Variants in G3BP2 observed in about 807,000 individuals in gnomAD.
G3BP2 encodes the protein ras GTPase-activating protein-binding protein 2.
Under a neutral mutation model 56.7 loss-of-function variants are expected in G3BP2, and 11 were observed. That is an observed-to-expected ratio of 0.19 (90% CI 0.12 to 0.32). The LOEUF (loss-of-function observed/expected upper bound fraction) is 0.32. G3BP2 is among the 10% of genes least tolerant of loss of function. The pLI, the probability that G3BP2 is intolerant of heterozygous loss-of-function variation, is 1.00. For missense variants in G3BP2, 340 were observed against 610.9 expected (o/e 0.56, Z 4.67); for synonymous variants, 165 against 191.6 (o/e 0.86, Z 1.15).
At chr4:75,699,444 A>G (rs1263880853) in intron 3 of G3BP2, among the ~76,000 whole-genome samples, 1 of 152,188 alleles carries the variant, frequency 6.6e-6, no homozygotes, top group Non-Finnish European at 1.5e-5. Flanking sequence ...AGTTTCAGAG[A>G]GTTTGGGCAA....
At chr4:75,657,414 C>CA (rs2148984092) in intron 4 of G3BP2, 143 bp downstream of exon 4, 1 of 609,932 alleles carries the variant, frequency 1.6e-6, no homozygotes, top group South Asian at 2.1e-5. Flanking sequence ...CATGTACACA[C>CA]ACGCACTCAC....
intron 2 of G3BP2, among the ~76,000 whole-genome samples, chr4:75,660,551 A>G (rs1732470028): frequency 6.6e-6 from 1 of 152,186 alleles, no homozygotes; most frequent in Non-Finnish European, 1.5e-5. Flanking sequence ...AGACTGTCAT[A>G]AGGAATACAT....
Position 75,646,467 on chromosome 4 carries a change from ATACAT to A in G3BP2, c.1058-16_1058-12del. The A allele has an allele frequency of 7.3e-7, 1 of 1,362,618 alleles. No homozygotes were observed. The highest frequency in any genetic ancestry group is 1.1e-6 in the Non-Finnish European group (1 of 950,706). 84.4% of individuals were successfully genotyped at this position (1,362,618 alleles called of 1,614,324 possible). A position where few individuals can be genotyped will look rare whatever the true frequency, so the allele number is the denominator to read the frequency against. On this transcript the variant is annotated splice_polypyrimidine_tract_variant and intron_variant, in intron 10 of 11. Coordinates refer to ENST00000359707, the MANE Select transcript of G3BP2 (RefSeq NM_203505.3). ...CAACGTTTCCAAAACCTGTGAAAAT[ATACAT>A]TACATCAAGGGTTAAATATTTTTAA...
intron 3 of G3BP2, among the ~76,000 whole-genome samples, chr4:75,709,523 G>A (rs114575807): frequency 2.4e-3 from 362 of 149,884 alleles, no homozygotes; most frequent in African/African-American, 8.4e-3. Context: ...GAGGTACAAC[G>A]ATTGCTGGAG....
rs1411569704 is a variant in G3BP2, at chr4:75,642,837, T to G, written c.*2593A>C. On this transcript the variant is annotated 3_prime_UTR_variant, in exon 12 of 12. Coordinates refer to ENST00000359707, the MANE Select transcript of G3BP2 (RefSeq NM_203505.3). The stretch of plus-strand genomic sequence containing the variant: ...TTGTTTAGTCCAAACACATTCAATA[T>G]GGAAACTCAAAGAATACTTTCCACC... 6.6e-6 allele frequency: 1 copy of G among 152,568 alleles called. No individual in the cohort carries two copies. The highest frequency in any genetic ancestry group is 1.5e-5 in the Non-Finnish European group (1 of 67,994). 9.5% of individuals were successfully genotyped at this position (152,568 alleles called of 1,614,324 possible).
intron 3 of G3BP2, among the ~76,000 whole-genome samples, chr4:75,710,634 G>A (rs1719718551): frequency 6.6e-6 from 1 of 152,146 alleles, no homozygotes; most frequent in Non-Finnish European, 1.5e-5. Flanking sequence ...AATAAATGAT[G>A]AAGCCAGGAT....
intron 3 of G3BP2, among the ~76,000 whole-genome samples, chr4:75,691,057 T>C (rs1025985914): frequency 1.3e-5 from 2 of 151,960 alleles, no homozygotes; most frequent in Non-Finnish European, 2.9e-5. Flanking sequence ...GTAGAATGAG[T>C]ACAAATGTAC....
In G3BP2 at chr4:75,645,194, G is replaced by A. The variant is rs528526445; in HGVS notation, c.*236C>T. On this transcript the variant is annotated 3_prime_UTR_variant, in exon 12 of 12. Transcript: ENST00000359707. ...TTTGTCGTAGATAGTTTAAGATATG[G>A]TCATTTCTCAGTCCTTAATTCTCCA... The A allele has an allele frequency of 1.8e-5, 10 of 545,788 alleles. No homozygotes were observed. In the South Asian group the frequency reaches 2.4e-4, roughly 13 times the overall value. 33.8% of individuals were successfully genotyped at this position (545,788 alleles called of 1,614,324 possible).
In G3BP2 at chr4:75,713,029, AC is replaced by A. The variant is rs771817688; in HGVS notation, c.-25+7847del. Among the ~76,000 whole-genome samples the A allele has an allele frequency of 2.2e-4, 33 of 152,182 alleles. No homozygotes were observed. In the East Asian group the frequency reaches 5.8e-3, roughly 27 times the overall value. On this transcript the variant is annotated intron_variant, in intron 3 of 3. Coordinates refer to the G3BP2 transcript ENST00000499709. ...AAACAAAACAAAACAAATAAACAAAACCCTATTCCCATAGGTTAGAGGTGGG... is the reference window on the plus strand; with the variant it reads ...AAACAAAACAAAACAAATAAACAAAACCTATTCCCATAGGTTAGAGGTGGG...
intron 3 of G3BP2, among the ~76,000 whole-genome samples, chr4:75,681,709 C>T (rs35276668): frequency 1.3e-5 from 2 of 151,400 alleles, no homozygotes; most frequent in South Asian, 2.1e-4. Flanking sequence ...CTTAGCCGGG[C>T]GTGGTGGTGT....
At chr4:75,687,736 C>G (rs760107126) in intron 3 of G3BP2, among the ~76,000 whole-genome samples, 1 of 152,154 alleles carries the variant, frequency 6.6e-6, no homozygotes, top group Non-Finnish European at 1.5e-5. Flanking sequence ...CTGAGAGTGA[C>G]CCGTATGACA....
At chr4:75,657,073 C>T in intron 4 of G3BP2, 59 bp from the exon 5 acceptor site, 1 of 717,328 alleles carries the variant, frequency 1.4e-6, no homozygotes, top group South Asian at 1.7e-5. Flanking sequence ...TATAAAAGAG[C>T]AAATTACATG....
At chr4:75,705,167 G>C (rs919739359) in intron 3 of G3BP2, among the ~76,000 whole-genome samples, 2 of 152,158 alleles carry the variant, frequency 1.3e-5, no homozygotes, top group Non-Finnish European at 2.9e-5. Context: ...ATGCCCAGAG[G>C]GGATAATCTT....
At chr4:75,701,589 C>T (rs981499386) in intron 3 of G3BP2, among the ~76,000 whole-genome samples, 2 of 152,024 alleles carry the variant, frequency 1.3e-5, no homozygotes, top group Admixed American at 1.3e-4. Flanking sequence ...CCACCATGCC[C>T]GGCTAATTTT....
intron 3 of G3BP2, among the ~76,000 whole-genome samples, chr4:75,688,832 G>A (rs865882368): frequency 2.0e-5 from 3 of 152,198 alleles, no homozygotes; most frequent in Non-Finnish European, 4.4e-5. Flanking sequence ...CTAAGGAAAC[G>A]ATGAGTAAAT....
At chr4:75,645,758 G>A in intron 11 of G3BP2, 56 bp from the exon 12 acceptor site, 2 of 1,481,476 alleles carry the variant, frequency 1.3e-6, no homozygotes, top group Non-Finnish European at 1.9e-6. Flanking sequence ...CAATAGAAAT[G>A]ATTACTCTGA....
chr4:75,661,991 C>G lies in G3BP2; in HGVS notation c.35G>C (p.Gly12Ala). ...VMEKPSPLLV[G>A]REFVRQYYTL... The stretch of plus-strand genomic sequence containing the variant: ...ATAATATTGCCTCACAAACTCCCGC[C>G]CTACAAGCAGCGGACTGGGCTTCTC... Residue 12 changes from glycine (G) to alanine (A), a missense_variant, in exon 2 of 12, where the codon GGG becomes GCG. This residue lies in a region of G3BP2 where 21 missense variants were observed against 83.7 expected (regional missense o/e 0.25). Transcript: ENST00000359707. 6.2e-7 allele frequency: 1 copy of G among 1,612,246 alleles called. No individual in the cohort carries two copies. The highest frequency in any genetic ancestry group is 8.5e-7 in the Non-Finnish European group (1 of 1,178,382).
At chr4:75,677,660 C>A (rs1435845181), upstream of G3BP2, among the ~76,000 whole-genome samples, 1 of 152,064 alleles carries the variant, frequency 6.6e-6, no homozygotes, top group Non-Finnish European at 1.5e-5. Context: ...GAAGACCAAG[C>A]ATTGGAAGGG....
intron 3 of G3BP2, among the ~76,000 whole-genome samples, chr4:75,680,106 C>A (rs1734014522): frequency 6.6e-6 from 1 of 152,148 alleles, no homozygotes; most frequent in African/African-American, 2.4e-5. Flanking sequence ...TTATCCAATT[C>A]TCTCCTCACC....
Sources: gnomAD v4.1 joint callset for allele counts (sites outside exome capture counted in the v4.1 genomes callset) on GRCh38, gnomAD v4.1.1 for gene constraint, gnomAD v4.1.1 regional missense constraint, MANE v1.5 for transcripts, NCBI Gene and HGNC (gene_info 2026-07-23, HGNC 2026-07-21) for gene names.